The following GSDME variants were observed in gnomAD, a reference collection of about 807,000 sequenced individuals.
GSDME encodes the protein gasdermin E.
Under a neutral mutation model 47.5 loss-of-function variants are expected in GSDME, and 44 were observed. That is an observed-to-expected ratio of 0.93 (90% CI 0.73 to 1.19). GSDME has a LOEUF of 1.19. Among genes scored for constraint, GSDME ranks in the 50% most tolerant of loss-of-function variants. The probability of loss-of-function intolerance (pLI) is 0.00; values close to 1 mark genes in which losing one functional copy is unlikely to be tolerated. For missense variants in GSDME, 663 were observed against 604.2 expected, an observed-to-expected ratio of 1.10 and a Z score of -1.02; for synonymous variants, 258 against 252.8, an observed-to-expected ratio of 1.02 and a Z score of -0.20.
rs564049708 is a variant in GSDME at position 24,726,472 on chromosome 7, G to A, written c.405-7254C>T. 3.9e-5 allele frequency among the ~76,000 whole-genome samples: 6 copies of A among 152,262 alleles called. No individual in the cohort carries two copies. In the South Asian group the frequency reaches 1.2e-3, roughly 32 times the overall value. Reference sequence around the variant, plus strand: ...CACCAGGCCAGATGCAAGTTTCTCAGGGAAGAGGCCAAGGCAGCCACCACT... The same window carrying A: ...CACCAGGCCAGATGCAAGTTTCTCAAGGAAGAGGCCAAGGCAGCCACCACT... On this transcript the variant is annotated intron_variant, in intron 3 of 9. Coordinates refer to ENST00000645220, the MANE Select transcript of GSDME (RefSeq NM_001127453.2). The surrounding 1 kb of genome is among the most constrained non-coding windows in gnomAD (Gnocchi z 5.6).
rs1451306385 is a variant in GSDME at position 24,702,445 on chromosome 7, T to G, written c.1257+315A>C. The G allele has an allele frequency of 1.6e-5, 6 of 363,934 alleles. No homozygotes were observed. In the Admixed American group the frequency reaches 1.9e-4, roughly 11 times the overall value. The allele number at this position is 363,934 out of a possible 1,614,324, so 22.5% of individuals were successfully genotyped here. A position where few individuals can be genotyped will look rare whatever the true frequency, so the allele number is the denominator to read the frequency against. ...AATAATATGGTGTCAGGCCCCTTTA[T>G]TGTAATGTAACACCAAACCTTGGCC... is the stretch of plus-strand genomic sequence containing the variant. On this transcript the variant is annotated intron_variant, in intron 9 of 9. Coordinates refer to ENST00000645220, the MANE Select transcript of GSDME (RefSeq NM_001127453.2).
chr7:24,723,235 G>A lies in GSDME; in HGVS notation c.405-4017C>T, dbSNP rs74826759. Reference sequence around the variant, plus strand: ...ACACATCAGGGAAAATGGATTTTTCGTTTGACTCTCTGAAAAGCAATCTCG... The same window carrying A: ...ACACATCAGGGAAAATGGATTTTTCATTTGACTCTCTGAAAAGCAATCTCG... On this transcript the variant is annotated intron_variant, in intron 3 of 9. Coordinates refer to ENST00000645220, the MANE Select transcript of GSDME (RefSeq NM_001127453.2). Among the ~76,000 whole-genome samples the A allele has an allele frequency of 1.2e-3, 177 of 152,264 alleles. 1 individual carries two copies. The highest frequency in any genetic ancestry group is 4.1e-3 in the African/African-American group (172 of 41,552).
intron 9 of GSDME, among the ~76,000 whole-genome samples, chr7:24,700,010 C>T (rs1323387701): frequency 6.6e-6 from 1 of 152,134 alleles, no homozygotes; most frequent in African/African-American, 2.4e-5. Context: ...TTGATCTCCC[C>T]TTCTCATCAC....
rs1791050170 is a variant in GSDME at position 24,757,120 on chromosome 7, G to T, written c.-20+276C>A. 6.6e-6 allele frequency among the ~76,000 whole-genome samples: 1 copy of T among 152,210 alleles called. No individual in the cohort carries two copies. The highest frequency in any genetic ancestry group is 2.4e-5 in the African/African-American group (1 of 41,458). ...GGCAGCGGGGACGGGGAGAGGATGG[G>T]AAGGGGATGCTGACTGCGAGTTGGG... On this transcript the variant is annotated intron_variant, in intron 1 of 9. Transcript: ENST00000645220. The surrounding 1 kb of genome is among the most constrained non-coding windows in gnomAD (Gnocchi z 5.9).
chr7:24,702,330 C>G (rs1392443931), intron 9 of GSDME: 1 of 254,492 alleles, frequency 3.9e-6, no homozygotes, highest in Non-Finnish European at 7.7e-6. Flanking sequence ...GAAGCTATGT[C>G]TCCCTGGGAC....
intron 1 of GSDME, among the ~76,000 whole-genome samples, chr7:24,751,024 G>GA (rs1287253088): frequency 6.6e-6 from 1 of 152,074 alleles, no homozygotes; most frequent in East Asian, 1.9e-4. Context: ...GAAAGTACTA[G>GA]AAAAAATAGA....
chr7:24,698,769 C>A lies in GSDME; in HGVS notation c.*257G>T. The A allele has an allele frequency of 1.9e-6, 1 of 519,440 alleles. No homozygotes were observed. The highest frequency in any genetic ancestry group is 3.5e-6 in the Non-Finnish European group (1 of 286,640). 32.2% of individuals were successfully genotyped at this position (519,440 alleles called of 1,614,324 possible). ...CGTCTGAATGTATGCTAAGAATTCT[C>A]CGCCCTCCCAGCTCTTTACATGCTG... On this transcript the variant is annotated 3_prime_UTR_variant, in exon 10 of 10. Transcript: ENST00000645220.
chr7:24,792,199 G>T, the GSDME span, among the ~76,000 whole-genome samples: 1 of 152,194 alleles, frequency 6.6e-6, no homozygotes, highest in South Asian at 2.1e-4. Flanking sequence ...AATTGTCAAA[G>T]TTTGTTTTAA....
chr7:24,741,381 T>C (rs1790486302), intron 3 of GSDME, among the ~76,000 whole-genome samples: 1 of 151,486 alleles, frequency 6.6e-6, no homozygotes, highest in African/African-American at 2.4e-5. Flanking sequence ...TTATTCTCCA[T>C]TTAAAAAAAA....
the GSDME span, among the ~76,000 whole-genome samples, chr7:24,794,197 CCT>C: frequency 4.6e-5 from 7 of 151,462 alleles, no homozygotes. Flanking sequence ...TCTCTCTCTG[CCT>C]CTTTCTCTTT....
chr7:24,707,875 C>T, intron 7 of GSDME: 1 of 580,728 alleles, frequency 1.7e-6, no homozygotes, highest in Non-Finnish European at 3.0e-6. Context: ...GGCTCCAAAA[C>T]TATGAGAGAA....
Position 24,706,274 on chromosome 7 carries a change from A to G in GSDME, c.1093T>C (p.Cys365Arg), listed in dbSNP as rs768942861. Residue 365 changes from cysteine to arginine, a missense_variant, in exon 8 of 10, where the codon TGC becomes CGC. Physicochemically the swap from Cys to Arg is radical, Grantham distance 180 (BLOSUM62 -3). Transcript: ENST00000645220. ...DLVAFLQLVG[C>R]SLQGGCPGPE... ...CCCGGACACCCACCCTGTAAGCTGC[A>G]CCCCACCAGCTGCAGGAAGGCCACA... 2.5e-6 allele frequency: 4 copies of G among 1,613,972 alleles called. No homozygotes were observed. The highest frequency in any genetic ancestry group is 3.4e-6 in the Non-Finnish European group (4 of 1,180,000).
In GSDME at chr7:24,719,164, C is replaced by T. The variant is rs760983599; in HGVS notation, c.459G>A (p.Glu153=). ...VLQQVLEGRN[E]VLCVLTQKIT... ...TCTTCTGTGTCAAAACGCACAGGAC[C>T]TCATTCCTTCCTTCCAGCACCTGCT... Residue 153 remains glutamate, a synonymous_variant, in exon 4 of 10, where the codon GAG becomes GAA. Transcript: ENST00000645220. 6.2e-7 allele frequency: 1 copy of T among 1,613,712 alleles called. No individual in the cohort carries two copies. The highest frequency in any genetic ancestry group is 8.5e-7 in the Non-Finnish European group (1 of 1,180,028).
At chr7:24,769,039 C>T in the GSDME span, among the ~76,000 whole-genome samples, 1 of 152,214 alleles carries the variant, frequency 6.6e-6, no homozygotes, top group Non-Finnish European at 1.5e-5. Context: ...CTTCTTGTTC[C>T]TGGTACAACC....
At position 24,724,027 on chromosome 7, in the gene GSDME, C is replaced by T. The variant is rs1270960122; in HGVS notation, c.405-4809G>A. ...CTCGGGCCCTGTGAGAGCCACTGAG[C>T]AACACAGACAGAATGGCTTTAGAGA... On this transcript the variant is annotated intron_variant, in intron 3 of 9. Transcript: ENST00000645220. This position sits in a 1 kb window ranked among gnomAD's most constrained non-coding sequence, Gnocchi z 4.8. 6.6e-6 allele frequency among the ~76,000 whole-genome samples: 1 copy of T among 152,102 alleles called. No individual in the cohort carries two copies.
At chr7:24,772,544 CATAA>C in the GSDME span, among the ~76,000 whole-genome samples, 3 of 152,194 alleles carry the variant, frequency 2.0e-5, no homozygotes, top group Non-Finnish European at 4.4e-5. This position sits in a 1 kb window ranked among gnomAD's most constrained non-coding sequence, Gnocchi z 4.5. Context: ...CTGTTGAATG[CATAA>C]ATAAAGAATG....
rs377271479 is a variant in GSDME, at chr7:24,749,801, A to G, written c.-19-8T>C. ...TTGAAAGCTCCAGATTATCTGAAAA[A>G]GTAAAGTTATCCTAAAATCAAATAA... On this transcript the variant is annotated splice_region_variant and splice_polypyrimidine_tract_variant and intron_variant, in intron 1 of 9. Transcript: ENST00000645220. The G allele has an allele frequency of 1.7e-5, 27 of 1,572,114 alleles. No homozygotes were observed. The East Asian group carries it at 6.0e-4, about 35-fold the overall frequency.
chr7:24,709,197 C>T (rs556554348), intron 6 of GSDME, among the ~76,000 whole-genome samples: 2 of 152,326 alleles, frequency 1.3e-5, no homozygotes, highest in East Asian at 3.9e-4. Context: ...CAGTCGCACA[C>T]CCAGCTCCCA....
chr7:24,700,609 A>C (rs1004740602), intron 9 of GSDME, among the ~76,000 whole-genome samples: 12 of 152,210 alleles, frequency 7.9e-5, no homozygotes. Context: ...ACTCACTGGA[A>C]TGTAAAAGTA....
Sources: gnomAD v4.1 joint callset for allele counts (sites outside exome capture counted in the v4.1 genomes callset) on GRCh38, gnomAD v4.1.1 for gene constraint, Gnocchi (gnomAD v3.1) non-coding constraint, MANE v1.5 for transcripts, NCBI Gene and HGNC (gene_info 2026-07-23, HGNC 2026-07-21) for gene names.